Variants in GPHN observed in about 807,000 individuals in gnomAD.
The protein encoded by GPHN is gephyrin.
A neutral mutation model predicts 95.5 loss-of-function variants in GPHN; 17 were observed. That is an observed-to-expected ratio of 0.18 (90% CI 0.12 to 0.27). The LOEUF is 0.27. GPHN is among the 10% of genes least tolerant of loss of function. The pLI is 1.00. For missense variants in GPHN, 660 were observed against 978.1 expected, an observed-to-expected ratio of 0.67 and a Z score of 4.34; for synonymous variants, 320 against 322.5, an observed-to-expected ratio of 0.99 and a Z score of 0.08.
chr14:66,600,864 C>T (rs1308549535), intron 1 of GPHN, among the ~76,000 whole-genome samples: 1 of 152,024 alleles, frequency 6.6e-6, no homozygotes, highest in Admixed American at 6.6e-5. Context: ...TCAGGTGACT[C>T]AAAATTCTCC....
In GPHN at chr14:66,731,539, G is replaced by A. The variant is rs190106792; in HGVS notation, c.144-44925G>A. Among the ~76,000 whole-genome samples, 34 of 152,352 alleles carry A rather than the reference G, an allele frequency of 2.2e-4. 1 individual carries two copies. The highest frequency in any genetic ancestry group is 1.8e-3 in the Admixed American group (28 of 15,296). ...TTTGCCCCTGCCCTAGAAATCTGTG[G>A]AACTTTGAACTTGAGGGAGATGATC... On this transcript the variant is annotated intron_variant, in intron 2 of 22. Coordinates refer to ENST00000478722, the MANE Select transcript of GPHN (RefSeq NM_020806.5).
chr14:67,311,790 C>G, the GPHN span, among the ~76,000 whole-genome samples: 1 of 151,978 alleles, frequency 6.6e-6, no homozygotes. Flanking sequence ...TAACTTGTAC[C>G]GTTAATAATA....
At chr14:67,450,513 T>G in the GPHN span, among the ~76,000 whole-genome samples, 1 of 152,186 alleles carries the variant, frequency 6.6e-6, no homozygotes, top group African/African-American at 2.4e-5. Flanking sequence ...TGGTCTCAGA[T>G]GGAAATGAGG....
At chr14:66,827,424 G>C (rs2061426599) in intron 4 of GPHN, among the ~76,000 whole-genome samples, 1 of 151,980 alleles carries the variant, frequency 6.6e-6, no homozygotes, top group Non-Finnish European at 1.5e-5. Flanking sequence ...AAGACCAAAT[G>C]TATTTTTATC....
rs1321259550 is a variant in GPHN, at chr14:67,179,629, C to T, written c.2131C>T (p.Leu711=). 4 of 1,608,524 alleles carry T rather than the reference C, an allele frequency of 2.5e-6. No homozygotes were observed. The highest frequency in any genetic ancestry group is 2.7e-5 in the African/African-American group (2 of 74,788). ...DPRPEYHRCI[L]TWHHQEPLPW... ...TCGTCCAGAATACCATCGGTGTATA[C>T]TAACTTGGCATCACCAAGAACCACT... The change falls in exon 22 of 23, where the codon CTA becomes TTA. Residue 711 remains leucine (L), a synonymous_variant. Coordinates refer to ENST00000478722, the MANE Select transcript of GPHN (RefSeq NM_020806.5).
At chr14:66,820,286 G>T (rs756346466) in intron 3 of GPHN, among the ~76,000 whole-genome samples, 9 of 151,982 alleles carry the variant, frequency 5.9e-5, no homozygotes, top group Non-Finnish European at 1.2e-4. Context: ...GATGTAGGAA[G>T]AAAAACAAAA....
chr14:66,723,108 AGT>A (rs912279823), intron 2 of GPHN, among the ~76,000 whole-genome samples: 3 of 152,088 alleles, frequency 2.0e-5, no homozygotes, highest in Admixed American at 2.0e-4. Flanking sequence ...GCTTGATTGC[AGT>A]GGCACAATCG....
At chr14:67,141,099 G>A in intron 17 of GPHN, among the ~76,000 whole-genome samples, 1 of 152,086 alleles carries the variant, frequency 6.6e-6, no homozygotes, top group East Asian at 1.9e-4. Context: ...CTCTATGTTG[G>A]TAGGCTGAAC....
At chr14:67,198,429 GT>G in the GPHN span, 5 of 1,019,248 alleles carry the variant, frequency 4.9e-6, no homozygotes, top group Middle Eastern at 3.1e-4. Flanking sequence ...GAGGGAATGT[GT>G]GATACTACAA....
At chr14:67,576,704 G>T in the GPHN span, among the ~76,000 whole-genome samples, 1 of 152,210 alleles carries the variant, frequency 6.6e-6, no homozygotes, top group Non-Finnish European at 1.5e-5. The surrounding 1 kb of genome is among the most constrained non-coding windows in gnomAD (Gnocchi z 4.0). Flanking sequence ...ATCTGGGGGA[G>T]TTTATCTGGG....
At chr14:66,600,152 T>C in intron 1 of GPHN, among the ~76,000 whole-genome samples, 1 of 152,110 alleles carries the variant, frequency 6.6e-6, no homozygotes, top group East Asian at 1.9e-4. Flanking sequence ...GTTTGATTTG[T>C]ACAGTTTTCT....
chr14:66,927,964 A>G (rs1311827425), intron 8 of GPHN, among the ~76,000 whole-genome samples: 1 of 152,170 alleles, frequency 6.6e-6, no homozygotes, highest in Admixed American at 6.5e-5. Context: ...GGATTTTTAC[A>G]TCAATGTTAA....
chr14:66,972,649 A>C (rs574424586), intron 9 of GPHN, among the ~76,000 whole-genome samples: 7 of 151,872 alleles, frequency 4.6e-5, no homozygotes, highest in Admixed American at 1.3e-4. Context: ...AGTTTTAATT[A>C]ATTTTAATTA....
intron 2 of GPHN, among the ~76,000 whole-genome samples, chr14:66,703,973 AAG>A: frequency 6.7e-6 from 1 of 150,028 alleles, no homozygotes; most frequent in Non-Finnish European, 1.5e-5. Context: ...CAAAAAAAAA[AAG>A]AAAGAAAGAA....
chr14:66,586,365 T>C (rs570947437), intron 1 of GPHN, among the ~76,000 whole-genome samples: 2 of 152,236 alleles, frequency 1.3e-5, no homozygotes, highest in African/African-American at 2.4e-5. Flanking sequence ...TGTCTTTTAA[T>C]TGGAGCATTT....
At chr14:67,466,637 G>A in the GPHN span, among the ~76,000 whole-genome samples, 42 of 152,208 alleles carry the variant, frequency 2.8e-4, no homozygotes, top group Non-Finnish European at 4.9e-4. Context: ...TCCTTTGTTC[G>A]GCACTGTACC....
At position 66,562,356 on chromosome 14, in the gene GPHN, A is replaced by T. The variant is rs140767907; in HGVS notation, c.64+53765A>T. Among the ~76,000 whole-genome samples, 221 of 152,324 alleles carry T rather than the reference A, an allele frequency of 1.5e-3. 2 individuals are homozygous for T. Among genetic ancestry groups the T allele is most frequent in the Non-Finnish European group, 2.3e-3 (154 of 68,026 alleles). On this transcript the variant is annotated intron_variant, in intron 1 of 22. Transcript: ENST00000478722. ...CCACAGAAAATAAGTTTGTGAGGTG[A>T]TGGATACATTAATTAGCTTGATTTA...
intron 19 of GPHN, among the ~76,000 whole-genome samples, chr14:67,164,917 G>GAA (rs1166963179): frequency 1.5e-5 from 2 of 131,960 alleles, no homozygotes; most frequent in African/African-American, 2.8e-5. Context: ...GCACTGGCAA[G>GAA]AAAAAAAAAA....
intron 9 of GPHN, among the ~76,000 whole-genome samples, chr14:67,017,721 G>T (rs1208837683): frequency 6.6e-6 from 1 of 151,946 alleles, no homozygotes; most frequent in Non-Finnish European, 1.5e-5. Context: ...GTCACTATTT[G>T]ATTAACCTTA....
Sources: gnomAD v4.1 joint callset for allele counts (sites outside exome capture counted in the v4.1 genomes callset) on GRCh38, gnomAD v4.1.1 for gene constraint, Gnocchi (gnomAD v3.1) non-coding constraint, MANE v1.5 for transcripts, NCBI Gene and HGNC (gene_info 2026-07-23, HGNC 2026-07-21) for gene names.